Variants in EPC1 observed in about 807,000 individuals in gnomAD.
EPC1 encodes the protein enhancer of polycomb homolog 1.
A neutral mutation model predicts 98.4 loss-of-function variants in EPC1; 12 were observed. The ratio of observed to expected loss-of-function variants is 0.12; its 90% CI spans 0.08 to 0.20. EPC1 has a LOEUF of 0.20. EPC1 is among the 10% of genes least tolerant of loss of function. The pLI is 1.00. For synonymous variants in EPC1, 357 were observed against 363.9 expected, an observed-to-expected ratio of 0.98 and a Z score of 0.21; for missense variants, 729 against 990.5, an observed-to-expected ratio of 0.74 and a Z score of 3.54.
intron 2 of EPC1, among the ~76,000 whole-genome samples, chr10:32,298,484 G>A (rs951741053): frequency 4.6e-5 from 7 of 152,106 alleles, no homozygotes; most frequent in African/African-American, 1.7e-4. Flanking sequence ...GTTTTAACAC[G>A]AGCACTAACT....
At chr10:32,351,036 C>T (rs1310397106), upstream of EPC1, among the ~76,000 whole-genome samples, 2 of 152,084 alleles carry the variant, frequency 1.3e-5, no homozygotes, top group Non-Finnish European at 2.9e-5. Context: ...TTTTTAAAGC[C>T]CTCACTTTAT....
chr10:32,295,571 A>T (rs1021214395), intron 2 of EPC1, among the ~76,000 whole-genome samples: 24 of 152,132 alleles, frequency 1.6e-4, no homozygotes, highest in Non-Finnish European at 3.2e-4. Context: ...TCATTTTGTC[A>T]TTATTACGTA....
At chr10:32,340,285 T>C (rs1284194297) in intron 1 of EPC1, among the ~76,000 whole-genome samples, 2 of 152,242 alleles carry the variant, frequency 1.3e-5, no homozygotes, top group African/African-American at 4.8e-5. Flanking sequence ...ACACCTCAGA[T>C]AACATATTAT....
chr10:32,293,283 T>C (rs1212737068), intron 3 of EPC1, 89 bp from the exon 4 acceptor site: 5 of 1,013,234 alleles, frequency 4.9e-6, no homozygotes, highest in African/African-American at 4.9e-5. Flanking sequence ...CAATAATCAA[T>C]ATTACAACAT....
intron 1 of EPC1, among the ~76,000 whole-genome samples, chr10:32,309,283 G>A (rs1329640962): frequency 6.6e-6 from 1 of 152,062 alleles, no homozygotes; most frequent in Non-Finnish European, 1.5e-5. Flanking sequence ...AGTAGAATTG[G>A]AAAGTTCCTA....
rs1835921918 is a variant in EPC1, at chr10:32,273,195, C to T, written c.1831G>A (p.Ala611Thr). ...QQLAQIQQQQ[A>T]NSNSSTNTSQ... is the part of the protein sequence containing the mutation. ...GTGTTGGTGGAGGAATTACTATTTG[C>T]TTGCTGTTGCTGAATTTGTGCAAGC... The change falls in exon 11 of 14, where the codon GCA becomes ACA. Residue 611 changes from alanine (A) to threonine (T), a missense_variant. This residue lies in a region of EPC1 where 390 missense variants were observed against 438.6 expected (regional missense o/e 0.89). Coordinates refer to ENST00000319778, the MANE Select transcript of EPC1 (RefSeq NM_001272004.3). The T allele has an allele frequency of 6.2e-7, 1 of 1,614,146 alleles. No individual in the cohort carries two copies. The highest frequency in any genetic ancestry group is 8.5e-7 in the Non-Finnish European group (1 of 1,180,002).
chr10:32,306,918 G>A (rs1835906623), intron 1 of EPC1, among the ~76,000 whole-genome samples: 1 of 151,744 alleles, frequency 6.6e-6, no homozygotes, highest in Admixed American at 6.6e-5. Context: ...CATTCTAATA[G>A]TATGAAAAGT....
rs776191589 is a variant in EPC1, at chr10:32,341,554, G to GA, written c.153+5208dup. On this transcript the variant is annotated intron_variant, in intron 1 of 13. Coordinates refer to ENST00000319778, the MANE Select transcript of EPC1 (RefSeq NM_001272004.3). ...TACTTTTAATTAAGTCCTATTAACA[G>GA]AAAAAAATGTAATTCAGTACAAATG... Among the ~76,000 whole-genome samples, 244 of 152,060 alleles carry GA rather than the reference G, an allele frequency of 1.6e-3. 1 individual carries two copies. The highest frequency in any genetic ancestry group is 2.1e-3 in the Non-Finnish European group (142 of 67,962).
intron 1 of EPC1, among the ~76,000 whole-genome samples, chr10:32,319,899 G>C (rs563308695): frequency 6.6e-6 from 1 of 152,142 alleles, no homozygotes; most frequent in South Asian, 2.1e-4. Flanking sequence ...GGCTGGTCTC[G>C]AACTCCTGAC....
intron 1 of EPC1, among the ~76,000 whole-genome samples, chr10:32,310,243 G>C (rs1292855112): frequency 6.6e-6 from 1 of 152,038 alleles, no homozygotes; most frequent in East Asian, 1.9e-4. Context: ...AGAGTTCCCT[G>C]GTATTTGAAT....
At chr10:32,349,434 A>G (rs1391768771), upstream of EPC1, among the ~76,000 whole-genome samples, 1 of 152,178 alleles carries the variant, frequency 6.6e-6, no homozygotes, top group African/African-American at 2.4e-5. Context: ...TTGGCAGATA[A>G]TATTATATGC....
In EPC1 at chr10:32,347,097, C is replaced by T. The variant is rs754489939; in HGVS notation, c.-182G>A. Reference sequence around the variant, plus strand: ...GGTGGGAGGCTGTGCCGCTCCGCTCCTCTCTCGCTCGCTCTCTTCAATACG... The same window carrying T: ...GGTGGGAGGCTGTGCCGCTCCGCTCTTCTCTCGCTCGCTCTCTTCAATACG... On this transcript the variant is annotated 5_prime_UTR_variant, in exon 1 of 14. Coordinates refer to ENST00000319778, the MANE Select transcript of EPC1 (RefSeq NM_001272004.3). 1.2e-5 allele frequency: 18 copies of T among 1,441,634 alleles called. No homozygotes were observed. In the African/African-American group the frequency reaches 1.6e-4, roughly 13 times the overall value. The allele number at this position is 1,441,634 out of a possible 1,614,324, so 89.3% of individuals were successfully genotyped here. A position where few individuals can be genotyped will look rare whatever the true frequency, so the allele number is the denominator to read the frequency against.
chr10:32,283,207 G>C (rs1018507801), intron 10 of EPC1: 16 of 152,210 alleles, frequency 1.1e-4, no homozygotes, highest in Non-Finnish European at 2.2e-4. Flanking sequence ...TCACCTCTCA[G>C]ATGACAAGAC....
intron 1 of EPC1, among the ~76,000 whole-genome samples, chr10:32,307,179 C>G (rs1309053039): frequency 1.3e-5 from 2 of 152,094 alleles, no homozygotes; most frequent in African/African-American, 4.8e-5. Context: ...TATGGACTTA[C>G]CAAATTTATT....
intron 1 of EPC1, among the ~76,000 whole-genome samples, chr10:32,341,951 G>GTTAGAAT (rs1370713070): frequency 6.6e-6 from 1 of 152,154 alleles, no homozygotes; most frequent in Non-Finnish European, 1.5e-5. Context: ...ACATTTTATA[G>GTTAGAAT]GCATATGGTG....
At chr10:32,291,800 C>T (rs1471477428) in intron 5 of EPC1, 1 of 152,162 alleles carries the variant, frequency 6.6e-6, no homozygotes, top group African/African-American at 2.4e-5. Context: ...TCAAAGATTA[C>T]ATAATTCCTT....
At chr10:32,320,135 T>C (rs893662145) in intron 1 of EPC1, among the ~76,000 whole-genome samples, 1 of 151,720 alleles carries the variant, frequency 6.6e-6, no homozygotes, top group Non-Finnish European at 1.5e-5. Flanking sequence ...TCTATGTACT[T>C]ACTACTCCCC....
At chr10:32,285,320 A>C (rs1836621979) in intron 9 of EPC1, 2 of 347,340 alleles carry the variant, frequency 5.8e-6, no homozygotes, top group Non-Finnish European at 1.0e-5. Context: ...TTGCGAACAC[A>C]TTTATTCTAT....
chr10:32,321,643 TA>T (rs991844482), intron 1 of EPC1, among the ~76,000 whole-genome samples: 143 of 145,182 alleles, frequency 9.8e-4, no homozygotes, highest in African/African-American at 3.1e-3. Context: ...TAATATTAAG[TA>T]AAAAAAAAAA....
Sources: allele counts gnomAD v4.1 joint callset (sites outside exome capture counted in the v4.1 genomes callset), GRCh38; gene constraint gnomAD v4.1.1; regional missense constraint gnomAD v4.1.1; transcripts MANE v1.5; gene names NCBI Gene and HGNC (gene_info 2026-07-23, HGNC 2026-07-21).